The following GNG7 variants were observed in gnomAD, a reference collection of about 807,000 sequenced individuals.
GNG7 encodes the protein G protein subunit gamma 7.
Under a neutral mutation model 4.0 loss-of-function variants are expected in GNG7, and 1 was observed. That is an observed-to-expected ratio of 0.25 (90% CI 0.09 to 1.18). The LOEUF is 1.18. Among genes scored for constraint, GNG7 ranks in the 50% most tolerant of loss-of-function variants. The pLI, the probability that GNG7 is intolerant of heterozygous loss-of-function variation, is 0.50. For synonymous variants in GNG7, 34 were observed against 36.9 expected (o/e 0.92, Z 0.29); for missense variants, 86 against 91.9 (o/e 0.94, Z 0.26).
chr19:2,581,305 C>T (rs922354502), intron 2 of GNG7, among the ~76,000 whole-genome samples: 220 of 16,146 alleles, frequency 0.014, 2 homozygotes, highest in Admixed American at 0.029. Flanking sequence ...TGGGGGGGGC[C>T]GCGGGGGTGG....
intron 3 of GNG7, among the ~76,000 whole-genome samples, chr19:2,522,273 G>A (rs993089091): frequency 2.6e-5 from 4 of 152,168 alleles, no homozygotes; most frequent in Admixed American, 1.3e-4. Flanking sequence ...TGAGGGGGTT[G>A]GTGCTGATGG....
chr19:2,605,798 C>T (rs2144816997), intron 2 of GNG7, among the ~76,000 whole-genome samples: 1 of 152,180 alleles, frequency 6.6e-6, no homozygotes, highest in East Asian at 1.9e-4. Context: ...AGGTGTGAGC[C>T]ACCGCAGCCT....
rs555724105 is a variant in GNG7, at chr19:2,513,653, C to T, written c.*1369G>A. ...GAAAAGCAAAAAGATCGGGTTCGAG[C>T]GACAGGGTAACGTTTTGAGCGGACG... On this transcript the variant is annotated 3_prime_UTR_variant, in exon 5 of 5. Transcript: ENST00000382159. 2.4e-6 allele frequency: 2 copies of T among 822,814 alleles called. No homozygotes were observed. The highest frequency in any genetic ancestry group is 1.5e-6 in the Non-Finnish European group (1 of 681,574). 51.0% of individuals were successfully genotyped at this position (822,814 alleles called of 1,614,324 possible).
At chr19:2,562,198 C>T (rs1423743798) in intron 2 of GNG7, among the ~76,000 whole-genome samples, 1 of 152,212 alleles carries the variant, frequency 6.6e-6, no homozygotes, top group Non-Finnish European at 1.5e-5. Flanking sequence ...CCGTGAGTCA[C>T]CGCAGCCCCG....
intron 1 of GNG7, among the ~76,000 whole-genome samples, chr19:2,665,199 C>G (rs1325092511): frequency 6.6e-6 from 1 of 152,194 alleles, no homozygotes; most frequent in South Asian, 2.1e-4. Flanking sequence ...AGTCTCTCCT[C>G]CCAGGCACGG....
chr19:2,619,007 G>A (rs552642855), intron 2 of GNG7, among the ~76,000 whole-genome samples: 3 of 151,998 alleles, frequency 2.0e-5, no homozygotes, highest in Admixed American at 6.6e-5. Context: ...TTAAGAAAAC[G>A]GTTACTATCC....
chr19:2,539,852 G>C (rs56325286), intron 3 of GNG7, among the ~76,000 whole-genome samples: 240 of 146,742 alleles, frequency 1.6e-3, no homozygotes, highest in Middle Eastern at 3.6e-3. Context: ...TCTCCTTCCT[G>C]CCTCCCTCCC....
intron 3 of GNG7, among the ~76,000 whole-genome samples, chr19:2,524,230 C>A (rs535923570): frequency 3.5e-4 from 54 of 152,358 alleles, no homozygotes; most frequent in Admixed American, 1.6e-3. Context: ...AGGTCCTGAG[C>A]CGTGCTGGCT....
intron 3 of GNG7, among the ~76,000 whole-genome samples, chr19:2,552,590 G>T (rs112529199): frequency 6.6e-6 from 1 of 151,430 alleles, no homozygotes; most frequent in Admixed American, 6.6e-5. Context: ...TCATCTTGTT[G>T]GTCAGGCTAG....
intron 2 of GNG7, among the ~76,000 whole-genome samples, chr19:2,586,630 C>T (rs1322599541): frequency 1.3e-5 from 2 of 152,178 alleles, no homozygotes; most frequent in African/African-American, 4.8e-5. Context: ...AGAATTTACA[C>T]ACACGCACGC....
At chr19:2,671,159 C>T (rs1983442626) in intron 1 of GNG7, among the ~76,000 whole-genome samples, 1 of 152,054 alleles carries the variant, frequency 6.6e-6, no homozygotes, top group South Asian at 2.1e-4. Context: ...TTGGCCTCCA[C>T]CCAGTCCATG....
intron 1 of GNG7, among the ~76,000 whole-genome samples, chr19:2,657,351 AAAAAAAAAAAATATATATAT>A (rs1248535937): frequency 0.019 from 426 of 21,872 alleles, 36 homozygotes; most frequent in African/African-American, 0.036. Context: ...AAAAAAAAAA[AAAAAAAAAAAATATATATAT>A]ATATATATAT....
chr19:2,656,382 TCA>T (rs1288813197), intron 1 of GNG7, among the ~76,000 whole-genome samples: 1 of 152,182 alleles, frequency 6.6e-6, no homozygotes, highest in African/African-American at 2.4e-5. Flanking sequence ...GGCAGGCGGA[TCA>T]CAAGGTTAGG....
At chr19:2,680,542 A>G (rs1283665864) in intron 1 of GNG7, among the ~76,000 whole-genome samples, 1 of 151,094 alleles carries the variant, frequency 6.6e-6, no homozygotes, top group East Asian at 1.9e-4. Flanking sequence ...TGGGTTTTTT[A>G]GTAAAATACA....
chr19:2,689,455 T>G (rs1341685102), intron 1 of GNG7, among the ~76,000 whole-genome samples: 1 of 151,018 alleles, frequency 6.6e-6, no homozygotes, highest in African/African-American at 2.4e-5. Context: ...AAACCCCGTC[T>G]CTACTAAAAA....
chr19:2,685,123 TA>T (rs553248760), intron 1 of GNG7, among the ~76,000 whole-genome samples: 2,968 of 131,110 alleles, frequency 0.023, 94 homozygotes, highest in African/African-American at 0.066. Flanking sequence ...AGACTCTGTC[TA>T]AAAAAAAAAA....
chr19:2,639,549 G>C (rs779317744), intron 2 of GNG7, among the ~76,000 whole-genome samples: 1 of 152,006 alleles, frequency 6.6e-6, no homozygotes, highest in Admixed American at 6.6e-5. Context: ...GGAAGGAATG[G>C]GGTGTTTCTG....
intron 3 of GNG7, among the ~76,000 whole-genome samples, chr19:2,544,285 G>C (rs907027491): frequency 6.6e-6 from 1 of 152,172 alleles, no homozygotes; most frequent in African/African-American, 2.4e-5. Context: ...ACAGTGGCTG[G>C]GGCAGCTGGG....
At chr19:2,679,772 C>A (rs1300151492) in intron 1 of GNG7, among the ~76,000 whole-genome samples, 1 of 151,508 alleles carries the variant, frequency 6.6e-6, no homozygotes, top group Non-Finnish European at 1.5e-5. Context: ...TTCCCATCTG[C>A]ATCTTCACCT....
Sources: gnomAD v4.1 joint callset for allele counts (sites outside exome capture counted in the v4.1 genomes callset) on GRCh38, gnomAD v4.1.1 for gene constraint, MANE v1.5 for transcripts, NCBI Gene and HGNC (gene_info 2026-07-23, HGNC 2026-07-21) for gene names.